Variants in PDZD2 observed in about 807,000 individuals in gnomAD.
PDZD2 encodes the protein PDZ domain-containing protein 2.
A neutral mutation model predicts 220.7 loss-of-function variants in PDZD2; 90 were observed. That is an observed-to-expected ratio of 0.41 (90% CI 0.34 to 0.49). The LOEUF (loss-of-function observed/expected upper bound fraction) is 0.49. Ranked by LOEUF, PDZD2 falls within the 20% of genes least tolerant of loss-of-function variation. The pLI, the probability that PDZD2 is intolerant of heterozygous loss-of-function variation, is 0.28. For missense variants in PDZD2, 3,174 were observed against 3,608.5 expected (o/e 0.88, Z 3.08); for synonymous variants, 1,375 against 1,450.5 (o/e 0.95, Z 1.18).
chr5:31,754,929 A>G (rs1226523281), intron 1 of PDZD2, among the ~76,000 whole-genome samples: 3 of 152,248 alleles, frequency 2.0e-5, no homozygotes, highest in African/African-American at 4.8e-5. Flanking sequence ...ATACCAATCT[A>G]CATATGTTAT....
intron 1 of PDZD2, among the ~76,000 whole-genome samples, chr5:31,797,094 ATTTTTTTTTT>A (rs756548601): frequency 6.0e-5 from 4 of 66,542 alleles, no homozygotes; most frequent in African/African-American, 2.9e-4. Flanking sequence ...CACCCAGCTA[ATTTTTTTTTT>A]TTTTTTTTTT....
chr5:32,087,325 G>T lies in PDZD2; in HGVS notation c.3877G>T (p.Gly1293Trp). 1 of 1,614,134 alleles carries T rather than the reference G, an allele frequency of 6.2e-7. No homozygotes were observed. The highest frequency in any genetic ancestry group is 8.5e-7 in the Non-Finnish European group (1 of 1,179,990). ...CCCCCATGAGGGCAGCCCCTCCCCG[G>T]GGGAGAAAGCAGCGGCTCCCCCTGA... is the stretch of plus-strand genomic sequence containing the variant. The part of the protein sequence containing the change: ...RLPHEGSPSP[G>W]EKAAAPPDYS... The change falls in exon 20 of 25, where the codon GGG becomes TGG. Residue 1293 changes from glycine to tryptophan, a missense_variant. Coordinates refer to ENST00000438447, the MANE Select transcript of PDZD2 (RefSeq NM_178140.4). The surrounding 1 kb of genome is among the most constrained non-coding windows in gnomAD (Gnocchi z 4.0).
intron 2 of PDZD2, among the ~76,000 whole-genome samples, chr5:31,974,476 G>C (rs1200743682): frequency 6.6e-6 from 1 of 152,136 alleles, no homozygotes; most frequent in East Asian, 1.9e-4. Context: ...CTTAATGTTG[G>C]GGAAAAGACC....
chr5:32,082,214 G>A (rs578025091), intron 19 of PDZD2, among the ~76,000 whole-genome samples: 5 of 151,102 alleles, frequency 3.3e-5, no homozygotes, highest in African/African-American at 1.2e-4. Context: ...TAGAGACGGC[G>A]ATTCACTATG....
Position 32,006,585 on chromosome 5 carries a change from C to T in PDZD2, c.1255-3745C>T, listed in dbSNP as rs374525332. ...AGAGGCAATCTCTCTCTGTGTTGCTCAGGCTGGTCTCAAACTCCTGCCCTC... is the reference window on the plus strand; with the variant it reads ...AGAGGCAATCTCTCTCTGTGTTGCTTAGGCTGGTCTCAAACTCCTGCCCTC... On this transcript the variant is annotated intron_variant, in intron 5 of 24. Coordinates refer to ENST00000438447, the MANE Select transcript of PDZD2 (RefSeq NM_178140.4). Among the ~76,000 whole-genome samples the T allele has an allele frequency of 4.6e-5, 7 of 151,676 alleles. No homozygotes were observed. In the East Asian group the frequency reaches 7.8e-4, roughly 17 times the overall value.
In PDZD2 at chr5:31,869,551, G is replaced by C. The variant is rs568894428; in HGVS notation, c.476+69827G>C. 5.3e-5 allele frequency among the ~76,000 whole-genome samples: 8 copies of C among 151,932 alleles called. No individual in the cohort carries two copies. The East Asian group carries it at 1.6e-3, about 29-fold the overall frequency. On this transcript the variant is annotated intron_variant, in intron 2 of 24. Transcript: ENST00000438447. ...TGCACTCCAGCCTGGGCGACAGAGC[G>C]AGACTCTGTCTCAAAAGAAAAAAAA... is the stretch of plus-strand genomic sequence containing the variant.
At chr5:31,780,430 AAGG>A (rs1752997366) in intron 1 of PDZD2, among the ~76,000 whole-genome samples, 1 of 152,196 alleles carries the variant, frequency 6.6e-6, no homozygotes. Flanking sequence ...GTTTTGCCAG[AAGG>A]AGGAGTAAGT....
At chr5:31,662,530 C>T (rs28658265) in intron 1 of PDZD2, among the ~76,000 whole-genome samples, 28,877 of 152,146 alleles carry the variant, frequency 0.19, 2,784 homozygotes, top group Middle Eastern at 0.27. Context: ...GAGATCAAGG[C>T]ACCAGCAGAT....
intron 2 of PDZD2, among the ~76,000 whole-genome samples, chr5:31,932,650 G>C (rs1242759417): frequency 1.3e-5 from 2 of 152,152 alleles, no homozygotes; most frequent in Non-Finnish European, 2.9e-5. Flanking sequence ...TAAATGTATA[G>C]TTTTGTGGCA....
intron 2 of PDZD2, chr5:31,843,508 C>T (rs976073272): frequency 7.2e-5 from 11 of 152,208 alleles, no homozygotes; most frequent in African/African-American, 1.9e-4. Context: ...CTCAAGTGTC[C>T]GCCTGCCTTA....
intron 1 of PDZD2, among the ~76,000 whole-genome samples, chr5:31,786,520 T>C (rs13362167): frequency 0.024 from 3,583 of 152,290 alleles, 122 homozygotes; most frequent in African/African-American, 0.077. Flanking sequence ...CTGGGGCTCC[T>C]CTCCTCCTTT....
At chr5:31,641,677 A>G (rs1290100976) in intron 1 of PDZD2, among the ~76,000 whole-genome samples, 4 of 151,964 alleles carry the variant, frequency 2.6e-5, no homozygotes, top group Middle Eastern at 3.4e-3. Flanking sequence ...TTTTGTGGAG[A>G]TGGGTTTCAC....
Position 31,710,584 on chromosome 5 carries a change from G to A in PDZD2, c.-361+71147G>A, listed in dbSNP as rs530145193. ...TGTAATCTCAGCACTTCGGGAGGCC[G>A]AGGCGGGTGGATCACCTCAGGTTAG... On this transcript the variant is annotated intron_variant, in intron 1 of 24. Transcript: ENST00000438447. Among the ~76,000 whole-genome samples the A allele has an allele frequency of 9.2e-5, 14 of 152,230 alleles. No homozygotes were observed. The South Asian group carries it at 2.7e-3, about 29-fold the overall frequency.
At chr5:31,854,124 GC>G (rs1232730365) in intron 2 of PDZD2, among the ~76,000 whole-genome samples, 2 of 152,186 alleles carry the variant, frequency 1.3e-5, no homozygotes, top group Non-Finnish European at 2.9e-5. Flanking sequence ...CCCGCTGCCA[GC>G]CCCCCTCCCC....
chr5:32,091,394 C>T (rs896419924), intron 20 of PDZD2, among the ~76,000 whole-genome samples: 1 of 150,592 alleles, frequency 6.6e-6, no homozygotes, highest in East Asian at 2.0e-4. Flanking sequence ...AAGCGATTCT[C>T]CTGCCTCAGC....
chr5:32,097,701 A>G (rs1743853508), intron 22 of PDZD2, among the ~76,000 whole-genome samples: 2 of 152,092 alleles, frequency 1.3e-5, no homozygotes, highest in African/African-American at 4.8e-5. Flanking sequence ...TTATACAATT[A>G]CTCCCGTCTC....
chr5:31,839,393 G>GA lies in PDZD2; in HGVS notation c.476+39678dup, dbSNP rs534482581. On this transcript the variant is annotated intron_variant, in intron 2 of 24. Transcript: ENST00000438447. ...CATGTCAAGGGAAAATGTGGTAAAA[G>GA]AAAAAAAAACAGATTTTAAGAACTC... Among the ~76,000 whole-genome samples the GA allele has an allele frequency of 2.5e-3, 369 of 149,068 alleles. 2 individuals carry two copies. Among genetic ancestry groups the GA allele is most frequent in the Non-Finnish European group, 3.5e-3 (237 of 67,048 alleles).
intron 7 of PDZD2, among the ~76,000 whole-genome samples, chr5:32,042,793 T>C (rs1405326849): frequency 6.6e-6 from 1 of 152,084 alleles, no homozygotes; most frequent in Non-Finnish European, 1.5e-5. Context: ...TTTAAGGCCT[T>C]TGTGTTTGGG....
chr5:31,942,565 G>C lies in PDZD2; in HGVS notation c.477-40590G>C, dbSNP rs546290248. On this transcript the variant is annotated intron_variant, in intron 2 of 24. Transcript: ENST00000438447. ...ACTTGCTGTAACCTTGAACACCTGG[G>C]CTCAAGTAATCCTCCCGCCTCAGCT... Among the ~76,000 whole-genome samples, 20 of 152,254 alleles carry C rather than the reference G, an allele frequency of 1.3e-4. 1 individual carries two copies. The East Asian group carries it at 3.9e-3, about 29-fold the overall frequency.
Sources: gnomAD v4.1 joint callset for allele counts (sites outside exome capture counted in the v4.1 genomes callset) on GRCh38, gnomAD v4.1.1 for gene constraint, Gnocchi (gnomAD v3.1) non-coding constraint, MANE v1.5 for transcripts, NCBI Gene and HGNC (gene_info 2026-07-23, HGNC 2026-07-21) for gene names.